The following RUFY4 variants were observed in gnomAD, a reference collection of about 807,000 sequenced individuals.
RUFY4 encodes the protein RUN and FYVE domain-containing protein 4.
Under a neutral mutation model 69.0 loss-of-function variants are expected in RUFY4, and 73 were observed. The observed-to-expected ratio is 1.06, with a 90% CI of 0.88 to 1.29. The LOEUF (loss-of-function observed/expected upper bound fraction) is 1.29. RUFY4 is among the 50% of genes most tolerant of loss of function. RUFY4 has a pLI of 0.00. For synonymous variants in RUFY4, 287 were observed against 271.8 expected, an observed-to-expected ratio of 1.06 and a Z score of -0.55; for missense variants, 770 against 705.6, an observed-to-expected ratio of 1.09 and a Z score of -1.03.
At chr2:218,069,408 C>T (rs1689426222), upstream of RUFY4, 1 of 152,092 alleles carries the variant, frequency 6.6e-6, no homozygotes, top group Non-Finnish European at 1.5e-5. Flanking sequence ...TGCCAGGAGC[C>T]AGGGGAGGAA....
chr2:218,064,521 C>A (rs1282429961), upstream of RUFY4, among the ~76,000 whole-genome samples: 2 of 152,170 alleles, frequency 1.3e-5, no homozygotes, highest in African/African-American at 4.8e-5. Flanking sequence ...AGGTTTCAGG[C>A]AGGGGTTGCC....
chr2:218,064,822 G>T (rs1193838315), upstream of RUFY4, among the ~76,000 whole-genome samples: 1 of 151,872 alleles, frequency 6.6e-6, no homozygotes, highest in African/African-American at 2.4e-5. Context: ...CCGCCTGCCT[G>T]CCTGCCCTCC....
At chr2:218,042,505 A>G (rs1688718013) in intron 2 of RUFY4, among the ~76,000 whole-genome samples, 1 of 152,196 alleles carries the variant, frequency 6.6e-6, no homozygotes, top group Non-Finnish European at 1.5e-5. Context: ...GTTAGTTGAG[A>G]TTTCTAGATT....
chr2:218,050,797 T>C lies in RUFY4; in HGVS notation c.-1157-7798T>C, dbSNP rs535416726. 3.3e-5 allele frequency among the ~76,000 whole-genome samples: 5 copies of C among 152,338 alleles called. No individual in the cohort carries two copies. In the South Asian group the frequency reaches 8.3e-4, roughly 25 times the overall value. ...TACATGCAATGACCATTGTTTTCTG[T>C]ATATCAAACACAATTTAACCTTTAG... On this transcript the variant is annotated intron_variant and NMD_transcript_variant, in intron 2 of 13. Transcript: ENST00000457754.
chr2:218,050,047 T>A (rs1688910213), intron 2 of RUFY4, among the ~76,000 whole-genome samples: 2 of 152,170 alleles, frequency 1.3e-5, no homozygotes, highest in Admixed American at 1.3e-4. Flanking sequence ...TCTATCCTCA[T>A]CTCACCCACT....
chr2:218,078,451 G>A (rs1023891089), intron 8 of RUFY4, among the ~76,000 whole-genome samples: 2 of 152,110 alleles, frequency 1.3e-5, no homozygotes, highest in African/African-American at 2.4e-5. Context: ...GAGGCCTTCC[G>A]GGCCCCAGTA....
At chr2:218,089,285 T>C (rs563301008) in exon 10 of RUFY4, 16 of 1,613,846 alleles carry the variant, frequency 9.9e-6, no homozygotes, top group South Asian at 7.7e-5. Flanking sequence ...GGCTCCAGCA[T>C]CTCTCTTCCA....
chr2:218,035,546 G>A (rs923787043), intron 2 of RUFY4, among the ~76,000 whole-genome samples: 6 of 152,116 alleles, frequency 3.9e-5, no homozygotes, highest in African/African-American at 1.4e-4. Context: ...TCCCTCCACT[G>A]TGTCCCACTG....
At chr2:218,076,920 C>T (rs1240560427) in intron 8 of RUFY4, among the ~76,000 whole-genome samples, 5 of 152,154 alleles carry the variant, frequency 3.3e-5, no homozygotes, top group African/African-American at 7.2e-5. Context: ...CTTTTTTACT[C>T]AGTTTCTTTG....
chr2:218,069,853 GTCCCTC>G (rs1333015145), upstream of RUFY4, among the ~76,000 whole-genome samples: 66 of 152,198 alleles, frequency 4.3e-4, 1 homozygote, highest in East Asian at 1.9e-4. Flanking sequence ...GGGCCACAGT[GTCCCTC>G]TCTGGGCCCC....
upstream of RUFY4, among the ~76,000 whole-genome samples, chr2:218,067,348 G>C (rs1689364192): frequency 6.6e-6 from 1 of 152,374 alleles, no homozygotes; most frequent in African/African-American, 2.4e-5. Flanking sequence ...GAAGTAGCAG[G>C]ACTGGCAGTA....
intron 2 of RUFY4, among the ~76,000 whole-genome samples, chr2:218,045,962 G>A (rs1278480382): frequency 1.3e-5 from 2 of 152,020 alleles, no homozygotes; most frequent in Non-Finnish European, 2.9e-5. Flanking sequence ...CCGCCATGGC[G>A]CCCGGCTAAT....
chr2:218,076,811 C>T (rs1200138163), intron 8 of RUFY4, among the ~76,000 whole-genome samples: 4 of 152,232 alleles, frequency 2.6e-5, no homozygotes, highest in Non-Finnish European at 5.9e-5. Flanking sequence ...CTCACCCCTG[C>T]CTCCCTCTGC....
chr2:218,065,171 T>C (rs1391852061), upstream of RUFY4, among the ~76,000 whole-genome samples: 7 of 152,028 alleles, frequency 4.6e-5, no homozygotes, highest in Admixed American at 2.6e-4. Flanking sequence ...CATCTCCACA[T>C]CGAGTCCTTT....
intron 2 of RUFY4, among the ~76,000 whole-genome samples, chr2:218,048,103 T>C (rs1236373139): frequency 6.6e-6 from 1 of 152,244 alleles, no homozygotes; most frequent in East Asian, 1.9e-4. Flanking sequence ...TTCCTTTTTC[T>C]CTGCAACCTT....
exon 4 of RUFY4, chr2:218,072,836 C>G: frequency 6.5e-7 from 1 of 1,536,262 alleles, no homozygotes; most frequent in Non-Finnish European, 8.7e-7. Flanking sequence ...GGCCCGTGGG[C>G]AGCTGGCTGA....
chr2:218,064,932 C>G (rs78810632), upstream of RUFY4, among the ~76,000 whole-genome samples: 520 of 152,164 alleles, frequency 3.4e-3, 2 homozygotes, highest in African/African-American at 0.012. Flanking sequence ...TTCTCCGGGT[C>G]CCCCTTCATC....
chr2:218,049,597 C>T (rs1172281678), intron 2 of RUFY4, among the ~76,000 whole-genome samples: 2 of 152,008 alleles, frequency 1.3e-5, no homozygotes, highest in East Asian at 3.9e-4. Flanking sequence ...GCCTCTGCCT[C>T]CCAGGTTCAG....
At chr2:218,090,104 C>A in exon 11 of RUFY4, 1 of 1,107,998 alleles carries the variant, frequency 9.0e-7, no homozygotes, top group Non-Finnish European at 1.3e-6. Flanking sequence ...CTGCCCATCC[C>A]ACTCAATCCA....
Sources: allele counts gnomAD v4.1 joint callset (sites outside exome capture counted in the v4.1 genomes callset), GRCh38; gene constraint gnomAD v4.1.1; transcripts MANE v1.5; gene names NCBI Gene and HGNC (gene_info 2026-07-23, HGNC 2026-07-21).